Variants in RARG observed in about 807,000 individuals in gnomAD.
RARG encodes the protein retinoic acid receptor gamma.
In RARG, 17 loss-of-function variants were observed where a neutral mutation model predicts 43.7. The ratio of observed to expected loss-of-function variants is 0.39; its 90% CI spans 0.27 to 0.58. The LOEUF (loss-of-function observed/expected upper bound fraction) is 0.58, where lower values mean the gene tolerates loss of function less well. RARG is among the 20% of genes least tolerant of loss of function. The pLI is 0.57. For missense variants in RARG, 346 were observed against 598.7 expected (o/e 0.58, Z 4.40); for synonymous variants, 238 against 236.4 (o/e 1.01, Z -0.06).
Position 53,211,998 on chromosome 12 carries a change from C to A in RARG, c.1178-135G>T. The A allele has an allele frequency of 1.8e-6, 1 of 542,620 alleles. No homozygotes were observed. Among genetic ancestry groups the A allele is most frequent in the Non-Finnish European group, 2.8e-6 (1 of 351,166 alleles). 33.6% of individuals were successfully genotyped at this position (542,620 alleles called of 1,614,324 possible). ...GCACAGGCCCACCACCTCTCCGTCC[C>A]CAGCTCATCCTCTTCTCACTAGGCT... On this transcript the variant is annotated intron_variant, in intron 9 of 9. Transcript: ENST00000425354. The surrounding 1 kb of genome is among the most constrained non-coding windows in gnomAD (Gnocchi z 4.6).
rs918891135 is a variant in RARG at position 53,227,583 on chromosome 12, G to GGGC, written c.-41_-39dup. ...GTGAGAGTCCCCTGGGGTCTGCAGT[G>GGGC]GGCGGGCGAGGTCTTCAGCCACAGC... On this transcript the variant is annotated 5_prime_UTR_variant, in exon 3 of 10. Transcript: ENST00000425354. The surrounding 1 kb of genome is among the most constrained non-coding windows in gnomAD (Gnocchi z 4.3). 1.5e-5 allele frequency: 22 copies of GGGC among 1,455,434 alleles called. No individual in the cohort carries two copies. Among genetic ancestry groups the GGGC allele is most frequent in the Non-Finnish European group, 1.8e-5 (20 of 1,101,968 alleles). The allele number at this position is 1,455,434 out of a possible 1,614,324, so 90.2% of individuals were successfully genotyped here.
At chr12:53,218,305 G>A (rs947448882) in intron 3 of RARG, among the ~76,000 whole-genome samples, 1 of 152,096 alleles carries the variant, frequency 6.6e-6, no homozygotes, top group Admixed American at 6.5e-5. Flanking sequence ...GGATCCCAGA[G>A]GCCAAAATTA....
In RARG at chr12:53,222,687, G is replaced by A. The variant is rs552103569; in HGVS notation, c.184+4675C>T. 6.1e-4 allele frequency among the ~76,000 whole-genome samples: 93 copies of A among 152,240 alleles called. 1 individual carries two copies. Among genetic ancestry groups the A allele is most frequent in the Non-Finnish European group, 2.4e-4 (16 of 68,016 alleles). On this transcript the variant is annotated intron_variant, in intron 3 of 9. Transcript: ENST00000425354. The stretch of plus-strand genomic sequence containing the variant: ...AGGCATTGCATGGAGGGGGTCCTTA[G>A]GACCAGGCATTACGGTGTCAGGCCC...
chr12:53,216,431 G>A (rs1275388204), intron 3 of RARG, among the ~76,000 whole-genome samples: 1 of 152,180 alleles, frequency 6.6e-6, no homozygotes, highest in Non-Finnish European at 1.5e-5. Context: ...AGACAGTGGA[G>A]CAAATGGGGC....
In RARG at chr12:53,214,476, G is replaced by C. The variant is rs1352866301; in HGVS notation, c.606C>G (p.Pro202=). The C allele has an allele frequency of 1.2e-6, 2 of 1,613,526 alleles. No individual in the cohort carries two copies. The highest frequency in any genetic ancestry group is 2.2e-5 in the South Asian group (2 of 91,078). Residue 202 remains proline (P), a synonymous_variant, in exon 6 of 10, where the codon CCC becomes CCG. Coordinates refer to ENST00000425354, the MANE Select transcript of RARG (RefSeq NM_000966.6). ...KVSKAHQETF[P]SLCQLGKYTT... is the part of the protein sequence containing the mutation. Reference sequence around the variant, plus strand: ...TATACTTGCCCAGCTGGCAGAGCGAGGGGAAAGTCTCCTGATGGGCTTTGC... The same window carrying C: ...TATACTTGCCCAGCTGGCAGAGCGACGGGAAAGTCTCCTGATGGGCTTTGC...
Position 53,226,525 on chromosome 12 carries a change from A to G in RARG, c.184+837T>C, listed in dbSNP as rs551548834. 5.9e-5 allele frequency among the ~76,000 whole-genome samples: 9 copies of G among 151,748 alleles called. No individual in the cohort carries two copies. In the South Asian group the frequency reaches 1.5e-3, roughly 25 times the overall value. On this transcript the variant is annotated intron_variant, in intron 3 of 9. Coordinates refer to ENST00000425354, the MANE Select transcript of RARG (RefSeq NM_000966.6). Reference sequence around the variant, plus strand: ...GTAATTTTAAAGACGGGGTTTCACTATGTTGGTCAGGCTGGTCTCGAACTC... The same window carrying G: ...GTAATTTTAAAGACGGGGTTTCACTGTGTTGGTCAGGCTGGTCTCGAACTC...
intron 2 of RARG, chr12:53,230,084 A>C: frequency 1.5e-6 from 1 of 677,058 alleles, no homozygotes; most frequent in Non-Finnish European, 1.8e-6. Context: ...TCTTAAACCC[A>C]GGGTAGGAGA....
At chr12:53,212,755 C>T (rs928556876) in intron 9 of RARG, among the ~76,000 whole-genome samples, 12 of 150,894 alleles carry the variant, frequency 8.0e-5, no homozygotes, top group African/African-American at 2.7e-4. Flanking sequence ...CACACACACA[C>T]ACACACACAC....
chr12:53,216,841 T>TGTGTGTGTGTGTGTGTGTGTGC (rs1430491578), intron 3 of RARG, among the ~76,000 whole-genome samples: 98 of 129,418 alleles, frequency 7.6e-4, no homozygotes, highest in African/African-American at 3.2e-3. Flanking sequence ...TGTGTGTGTG[T>TGTGTGTGTGTGTGTGTGTGTGC]GCGCGCGCGC....
At chr12:53,212,720 G>C (rs1942628405) in intron 9 of RARG, among the ~76,000 whole-genome samples, 1 of 146,418 alleles carries the variant, frequency 6.8e-6, no homozygotes, top group Non-Finnish European at 1.5e-5. Context: ...CCAAGACTTT[G>C]TCTCTAAATA....
chr12:53,225,898 C>G lies in RARG; in HGVS notation c.184+1464G>C, dbSNP rs371829778. On this transcript the variant is annotated intron_variant, in intron 3 of 9. Transcript: ENST00000425354. ...ACAGCATGCAGGCTCTATGCCAGAC[C>G]TGCAGGGAGAGGAGGAGCCCAGATC... 3.3e-4 allele frequency among the ~76,000 whole-genome samples: 51 copies of G among 152,342 alleles called. 2 individuals carry two copies. In the South Asian group the frequency reaches 0.011, roughly 32 times the overall value.
rs1942659365 is a variant in RARG at position 53,213,271 on chromosome 12, A to G, written c.1019-28T>C. The G allele has an allele frequency of 1.3e-6, 2 of 1,534,210 alleles. No individual in the cohort carries two copies. The highest frequency in any genetic ancestry group is 3.5e-5 in the Admixed American group (2 of 57,798). On this transcript the variant is annotated intron_variant, in intron 8 of 9. Coordinates refer to ENST00000425354, the MANE Select transcript of RARG (RefSeq NM_000966.6). The surrounding 1 kb of genome is among the most constrained non-coding windows in gnomAD (Gnocchi z 4.7). The stretch of plus-strand genomic sequence containing the variant: ...ATGGGGACAAGTATACTGGAGTGAG[A>G]GGGGAAGGAAGAGATGGGGAAGACA...
At chr12:53,221,863 C>T (rs569407364) in intron 3 of RARG, among the ~76,000 whole-genome samples, 2 of 151,770 alleles carry the variant, frequency 1.3e-5, no homozygotes, top group South Asian at 4.1e-4. Flanking sequence ...CCCCGCCAGG[C>T]GGCTGTGGCT....
chr12:53,230,039 T>C, intron 2 of RARG: 1 of 917,396 alleles, frequency 1.1e-6, no homozygotes, highest in Non-Finnish European at 1.3e-6. Flanking sequence ...TTTCTGAGCC[T>C]TGGTTCTGTC....
At chr12:53,230,836 C>CGTGT (rs59367849) in intron 2 of RARG, among the ~76,000 whole-genome samples, 2,398 of 119,962 alleles carry the variant, frequency 0.02, 39 homozygotes, top group Non-Finnish European at 0.022. Flanking sequence ...GGCCACAGTG[C>CGTGT]GTGTGTGTGT....
Position 53,227,947 on chromosome 12 carries a change from A to T in RARG, c.-142-260T>A, listed in dbSNP as rs530301016. 6.6e-6 allele frequency among the ~76,000 whole-genome samples: 1 copy of T among 152,050 alleles called. No homozygotes were observed. The highest frequency in any genetic ancestry group is 1.9e-4 in the East Asian group (1 of 5,156). ...GGTCTAAGGACTTCTGGTGGAGAGAACTCCTAGATTGGGAAGTGATCATGA... is the reference window on the plus strand; with the variant it reads ...GGTCTAAGGACTTCTGGTGGAGAGATCTCCTAGATTGGGAAGTGATCATGA... On this transcript the variant is annotated intron_variant, in intron 2 of 9. Coordinates refer to ENST00000425354, the MANE Select transcript of RARG (RefSeq NM_000966.6). The surrounding 1 kb of genome is among the most constrained non-coding windows in gnomAD (Gnocchi z 4.3).
rs10082776 is a variant in RARG, at chr12:53,227,927, A to G, written c.-142-240T>C. On this transcript the variant is annotated intron_variant, in intron 2 of 9. Coordinates refer to ENST00000425354, the MANE Select transcript of RARG (RefSeq NM_000966.6). The surrounding 1 kb of genome is among the most constrained non-coding windows in gnomAD (Gnocchi z 4.3). ...GAGGTCCCAAGGTGAATGATGGTCT[A>G]AGGACTTCTGGTGGAGAGAACTCCT... 0.24 allele frequency among the ~76,000 whole-genome samples: 36,760 copies of G among 152,106 alleles called. 7,491 individuals carry two copies. The highest frequency in any genetic ancestry group is 0.55 in the African/African-American group (22,702 of 41,456).
At position 53,228,257 on chromosome 12, in the gene RARG, T is replaced by A. The variant is rs553433849; in HGVS notation, c.-142-570A>T. ...GACTACCTGGACTGTACCCCACCAC[T>A]TGCTAGCTGTGGGACTTCAGGCATG... On this transcript the variant is annotated intron_variant, in intron 2 of 9. Transcript: ENST00000425354. Among the ~76,000 whole-genome samples the A allele has an allele frequency of 9.2e-5, 14 of 152,334 alleles. No homozygotes were observed. In the East Asian group the frequency reaches 1.7e-3, roughly 19 times the overall value.
In RARG at chr12:53,213,852, G is replaced by C; in HGVS notation, c.814-152C>G. ...GGTGGAGGATCTGAGGCTTGGCAGGGGTAGTCCCGGGAAGTCAGGAGGAGA... is the reference window on the plus strand; with the variant it reads ...GGTGGAGGATCTGAGGCTTGGCAGGCGTAGTCCCGGGAAGTCAGGAGGAGA... On this transcript the variant is annotated intron_variant, in intron 7 of 9. Transcript: ENST00000425354. The surrounding 1 kb of genome is among the most constrained non-coding windows in gnomAD (Gnocchi z 4.7). The C allele has an allele frequency of 9.2e-7, 1 of 1,088,242 alleles. No individual in the cohort carries two copies. The highest frequency in any genetic ancestry group is 2.4e-5 in the East Asian group (1 of 41,464). 67.4% of individuals were successfully genotyped at this position (1,088,242 alleles called of 1,614,324 possible).
Sources: allele counts gnomAD v4.1 joint callset (sites outside exome capture counted in the v4.1 genomes callset), GRCh38; gene constraint gnomAD v4.1.1; non-coding constraint Gnocchi (gnomAD v3.1); transcripts MANE v1.5; gene names NCBI Gene and HGNC (gene_info 2026-07-23, HGNC 2026-07-21).